ACAP2: variants seen among roughly 807,000 people sequenced by gnomAD.
The protein encoded by ACAP2 is ArfGAP with coiled-coil, ankyrin repeat and PH domains 2.
A neutral mutation model predicts 115.8 loss-of-function variants in ACAP2; 39 were observed. That is an observed-to-expected ratio of 0.34 (90% CI 0.26 to 0.44). The LOEUF (loss-of-function observed/expected upper bound fraction) is 0.44, where lower values mean the gene tolerates loss of function less well. Ranked by LOEUF, ACAP2 falls within the 20% of genes least tolerant of loss-of-function variation. The pLI, the probability that ACAP2 is intolerant of heterozygous loss-of-function variation, is 1.00. For missense variants in ACAP2, 662 were observed against 927.6 expected, an observed-to-expected ratio of 0.71 and a Z score of 3.72; for synonymous variants, 289 against 315.8, an observed-to-expected ratio of 0.92 and a Z score of 0.90.
At chr3:195,433,632 T>C (rs6791563) in intron 1 of ACAP2, among the ~76,000 whole-genome samples, 36,530 of 152,146 alleles carry the variant, frequency 0.24, 5,126 homozygotes, top group East Asian at 0.71. Context: ...TTTCTATTTT[T>C]AGTTTTTTGA....
chr3:195,280,629 T>G (rs1186531137), intron 22 of ACAP2: 2 of 152,164 alleles, frequency 1.3e-5, no homozygotes, highest in Non-Finnish European at 2.9e-5. Flanking sequence ...TAAACGTGTA[T>G]ATGTACAAAT....
intron 1 of ACAP2, among the ~76,000 whole-genome samples, chr3:195,409,766 C>T (rs1713096273): frequency 6.7e-6 from 1 of 149,942 alleles, no homozygotes; most frequent in Non-Finnish European, 1.5e-5. Context: ...ATCCCAGCTA[C>T]TCGGGAGGCT....
chr3:195,296,361 A>G (rs997865711), intron 16 of ACAP2, among the ~76,000 whole-genome samples: 4 of 152,210 alleles, frequency 2.6e-5, no homozygotes. Flanking sequence ...TATTAATTTA[A>G]GAAATAAAAT....
intron 1 of ACAP2, among the ~76,000 whole-genome samples, chr3:195,398,372 T>C (rs1264703164): frequency 6.6e-6 from 1 of 152,134 alleles, no homozygotes; most frequent in Non-Finnish European, 1.5e-5. Flanking sequence ...TGGCCAGGCA[T>C]GGTGGCTCAC....
chr3:195,365,974 TG>T (rs1305303489), intron 4 of ACAP2, among the ~76,000 whole-genome samples: 4 of 152,054 alleles, frequency 2.6e-5, no homozygotes. Flanking sequence ...CCTGAGTAGC[TG>T]GGATTACAGG....
At chr3:195,289,730 C>T (rs1192154379) in intron 20 of ACAP2, among the ~76,000 whole-genome samples, 2 of 145,070 alleles carry the variant, frequency 1.4e-5, no homozygotes, top group East Asian at 2.0e-4. Flanking sequence ...GGCGTGAACC[C>T]GGGAGGCGGA....
intron 6 of ACAP2, among the ~76,000 whole-genome samples, chr3:195,339,744 C>T (rs78340680): frequency 0.01 from 1,577 of 151,898 alleles, 29 homozygotes; most frequent in African/African-American, 0.035. Context: ...GGATTCCTAA[C>T]TTACATATGG....
In ACAP2 at chr3:195,275,105, T is replaced by G. The variant is rs1363704334; in HGVS notation, c.*4223A>C. Reference sequence around the variant, plus strand: ...CAAAAGTTAACCTTTAGCCTTTGTGTAAAATAAATGGTGCCAACAATCTTT... The same window carrying G: ...CAAAAGTTAACCTTTAGCCTTTGTGGAAAATAAATGGTGCCAACAATCTTT... On this transcript the variant is annotated 3_prime_UTR_variant, in exon 23 of 23. Coordinates refer to ENST00000326793, the MANE Select transcript of ACAP2 (RefSeq NM_012287.6). 3 of 152,644 alleles carry G rather than the reference T, an allele frequency of 2.0e-5. No homozygotes were observed. The highest frequency in any genetic ancestry group is 7.2e-5 in the African/African-American group (3 of 41,454). The allele number at this position is 152,644 out of a possible 1,614,324, so 9.5% of individuals were successfully genotyped here. A position where few individuals can be genotyped will look rare whatever the true frequency, so the allele number is the denominator to read the frequency against.
At chr3:195,347,721 A>C (rs1436041682) in intron 4 of ACAP2, among the ~76,000 whole-genome samples, 1 of 152,204 alleles carries the variant, frequency 6.6e-6, no homozygotes, top group African/African-American at 2.4e-5. Context: ...AAGAAATAAA[A>C]TCAGGGCCAG....
At chr3:195,415,952 A>G (rs1713686070) in intron 1 of ACAP2, among the ~76,000 whole-genome samples, 1 of 152,166 alleles carries the variant, frequency 6.6e-6, no homozygotes, top group Admixed American at 6.5e-5. Context: ...AATTCTACAA[A>G]TCAAAAAGAA....
Position 195,416,463 on chromosome 3 carries a change from T to C in ACAP2, c.54-24316A>G, listed in dbSNP as rs1022858278. Among the ~76,000 whole-genome samples, 8 of 152,004 alleles carry C rather than the reference T, an allele frequency of 5.3e-5. No homozygotes were observed. In the East Asian group the frequency reaches 7.7e-4, roughly 15 times the overall value. ...TTTTAAAATCTGGCCATACAAAACA[T>C]AGGAGAGGATATGAAACATACACCA... is the stretch of plus-strand genomic sequence containing the variant. On this transcript the variant is annotated intron_variant, in intron 1 of 22. Transcript: ENST00000326793.
Position 195,275,967 on chromosome 3 carries a change from C to T in ACAP2, c.*3361G>A, listed in dbSNP as rs1011738014. ...CGGTTCTAAAGTCATTCTGGACATA[C>T]AATCTACAAAAATACATCATTTTTC... is the stretch of plus-strand genomic sequence containing the variant. On this transcript the variant is annotated 3_prime_UTR_variant, in exon 23 of 23. Transcript: ENST00000326793. 3 of 152,586 alleles carry T rather than the reference C, an allele frequency of 2.0e-5. No individual in the cohort carries two copies. Among genetic ancestry groups the T allele is most frequent in the African/African-American group, 7.2e-5 (3 of 41,440 alleles). The allele number at this position is 152,586 out of a possible 1,614,324, so 9.5% of individuals were successfully genotyped here. A position where few individuals can be genotyped will look rare whatever the true frequency, so the allele number is the denominator to read the frequency against.
intron 1 of ACAP2, among the ~76,000 whole-genome samples, chr3:195,417,304 T>C (rs748531091): frequency 1.1e-4 from 16 of 151,920 alleles, no homozygotes; most frequent in Non-Finnish European, 2.4e-4. Context: ...TACCTGAATG[T>C]ACCATGCATA....
chr3:195,331,257 C>T (rs1291490877), intron 8 of ACAP2, among the ~76,000 whole-genome samples: 10 of 151,960 alleles, frequency 6.6e-5, no homozygotes, highest in African/African-American at 2.4e-4. Flanking sequence ...CACACACAAA[C>T]CACAACTCAC....
Position 195,289,259 on chromosome 3 carries a change from T to C in ACAP2, c.2064-28A>G, listed in dbSNP as rs1460549752. On this transcript the variant is annotated intron_variant, in intron 20 of 22. Transcript: ENST00000326793. ...GTTTAAGAACACAGCATTTTTGAGA[T>C]ATTGTCGATAAGAAAAAAAAATTAG... 3.9e-6 allele frequency: 6 copies of C among 1,528,432 alleles called. No homozygotes were observed. The African/African-American group carries it at 4.2e-5, about 11-fold the overall frequency. The allele number at this position is 1,528,432 out of a possible 1,614,324, so 94.7% of individuals were successfully genotyped here.
At chr3:195,333,188 A>C in intron 7 of ACAP2, 65 bp from the exon 8 acceptor site, 1 of 687,752 alleles carries the variant, frequency 1.5e-6, no homozygotes, top group Non-Finnish European at 2.2e-6. Flanking sequence ...GAAATATTAC[A>C]TATATATATA....
At position 195,424,915 on chromosome 3, in the gene ACAP2, T is replaced by TAA. The variant is rs34038109; in HGVS notation, c.53+17878_53+17879dup. Among the ~76,000 whole-genome samples, 544 of 55,624 alleles carry TAA rather than the reference T, an allele frequency of 9.8e-3. 23 individuals are homozygous for TAA. Among genetic ancestry groups the TAA allele is most frequent in the Non-Finnish European group, 0.011 (343 of 31,024 alleles). 36.5% of individuals were successfully genotyped at this position (55,624 alleles called of 152,430 possible). On this transcript the variant is annotated intron_variant, in intron 1 of 22. Coordinates refer to ENST00000326793, the MANE Select transcript of ACAP2 (RefSeq NM_012287.6). The stretch of plus-strand genomic sequence containing the variant: ...TGAGTGATAGAGTGAGACCCTGTCT[T>TAA]AAAAAAAAAAAAAAAAAAAAAAAAA...
Position 195,345,261 on chromosome 3 carries a change from T to G in ACAP2, c.342A>C (p.Lys114Asn). The G allele has an allele frequency of 6.2e-7, 1 of 1,609,568 alleles. No homozygotes were observed. Among genetic ancestry groups the G allele is most frequent in the Non-Finnish European group, 8.5e-7 (1 of 1,176,622 alleles). Residue 114 changes from lysine to asparagine, a missense_variant and splice_region_variant, in exon 5 of 23, where the codon AAA becomes AAC. Lys to Asn is a moderately conservative substitution (Grantham distance 94). Transcript: ENST00000326793. ...CCTCTTCACCGCAATTGACTTACTCTTTAACAAAGTTCTGAAGCTGTGCCT... is the reference window on the plus strand; with the variant it reads ...CCTCTTCACCGCAATTGACTTACTCGTTAACAAAGTTCTGAAGCTGTGCCT... ...SIKAQLQNFVKEDLRKFKDAK... is the reference protein window; with the variant it reads ...SIKAQLQNFVNEDLRKFKDAK...
chr3:195,332,578 T>C lies in ACAP2; in HGVS notation c.669+450A>G, dbSNP rs549947593. Among the ~76,000 whole-genome samples the C allele has an allele frequency of 1.1e-4, 17 of 152,318 alleles. No homozygotes were observed. The South Asian group carries it at 2.5e-3, about 22-fold the overall frequency. On this transcript the variant is annotated intron_variant, in intron 8 of 22. Transcript: ENST00000326793. Reference sequence around the variant, plus strand: ...ATAAAACATCAAGTCCTCCTTGATATGATTTGGCTGTGTCCCCACCCAAAA... The same window carrying C: ...ATAAAACATCAAGTCCTCCTTGATACGATTTGGCTGTGTCCCCACCCAAAA...
Sources: gnomAD v4.1 joint callset for allele counts (sites outside exome capture counted in the v4.1 genomes callset) on GRCh38, gnomAD v4.1.1 for gene constraint, MANE v1.5 for transcripts, NCBI Gene and HGNC (gene_info 2026-07-23, HGNC 2026-07-21) for gene names.